Variants in EPHA6 observed in about 807,000 individuals in gnomAD.
EPHA6 encodes the protein ephrin type-A receptor 6.
Under a neutral mutation model 112.0 loss-of-function variants are expected in EPHA6, and 50 were observed. The ratio of observed to expected loss-of-function variants is 0.45; its 90% CI spans 0.36 to 0.56. The LOEUF is 0.56. EPHA6 is among the 20% of genes least tolerant of loss of function. The probability of loss-of-function intolerance (pLI) is 0.00; values close to 1 mark genes in which losing one functional copy is unlikely to be tolerated. For synonymous variants in EPHA6, 529 were observed against 490.7 expected, an observed-to-expected ratio of 1.08 and a Z score of -1.03; for missense variants, 1,280 against 1,417.4, an observed-to-expected ratio of 0.90 and a Z score of 1.56.
chr3:97,206,696 A>G (rs1439079038), intron 3 of EPHA6, among the ~76,000 whole-genome samples: 2 of 152,054 alleles, frequency 1.3e-5, no homozygotes, highest in African/African-American at 4.8e-5. Context: ...GTCTAATATT[A>G]TCTTATAAGT....
chr3:97,039,075 T>C lies in EPHA6; in HGVS notation c.1114+51082T>C, dbSNP rs138243174. ...TGCAGTGAGACATTTAAAGGAGTTG[T>C]ACCTAACAGCCTAAATGGGCTGGAA... On this transcript the variant is annotated intron_variant, in intron 3 of 17. Coordinates refer to ENST00000389672, the MANE Select transcript of EPHA6 (RefSeq NM_001080448.3). 2.2e-3 allele frequency among the ~76,000 whole-genome samples: 341 copies of C among 152,118 alleles called. 1 individual carries two copies. The highest frequency in any genetic ancestry group is 7.7e-3 in the African/African-American group (320 of 41,522).
intron 5 of EPHA6, among the ~76,000 whole-genome samples, chr3:97,301,005 C>T (rs772250691): frequency 6.6e-5 from 10 of 152,086 alleles, no homozygotes; most frequent in African/African-American, 9.7e-5. Flanking sequence ...CTCCAGCCAT[C>T]CTGATCAATG....
chr3:97,488,512 G>C (rs1481630611), intron 10 of EPHA6, among the ~76,000 whole-genome samples: 1 of 152,026 alleles, frequency 6.6e-6, no homozygotes, highest in Non-Finnish European at 1.5e-5. Context: ...AACCCAGCAG[G>C]CCTCTATTTT....
chr3:96,913,842 A>G (rs1482243931), intron 2 of EPHA6, among the ~76,000 whole-genome samples: 1 of 152,132 alleles, frequency 6.6e-6, no homozygotes, highest in Non-Finnish European at 1.5e-5. Flanking sequence ...TTTTCTTCTC[A>G]TTGTTTCCTT....
At chr3:97,141,688 A>G (rs1290262106) in intron 3 of EPHA6, among the ~76,000 whole-genome samples, 1 of 152,020 alleles carries the variant, frequency 6.6e-6, no homozygotes, top group African/African-American at 2.4e-5. Context: ...CAGAGCTAAG[A>G]GGAAGGTTTA....
At chr3:96,901,664 G>T (rs765716806) in intron 2 of EPHA6, among the ~76,000 whole-genome samples, 23 of 151,950 alleles carry the variant, frequency 1.5e-4, no homozygotes, top group Non-Finnish European at 2.9e-4. Flanking sequence ...TGGTCCTTAG[G>T]TTAAAAAAAG....
At chr3:97,641,918 C>T (rs1461623437) in intron 14 of EPHA6, among the ~76,000 whole-genome samples, 1 of 150,994 alleles carries the variant, frequency 6.6e-6, no homozygotes, top group Admixed American at 6.6e-5. Context: ...CCAGGAAGCT[C>T]GAACTGGGTG....
intron 1 of EPHA6, among the ~76,000 whole-genome samples, chr3:96,824,887 G>A (rs1014757064): frequency 1.3e-5 from 2 of 151,082 alleles, no homozygotes; most frequent in East Asian, 2.0e-4. Flanking sequence ...CAGCTCCCCC[G>A]CCCCTGCCCT....
rs78199375 is a variant in EPHA6 at position 97,487,675 on chromosome 3, A to G, written c.2200+3616A>G. Among the ~76,000 whole-genome samples the G allele has an allele frequency of 2.8e-3, 429 of 152,206 alleles. 3 individuals carry two copies. The highest frequency in any genetic ancestry group is 1.0e-2 in the African/African-American group (415 of 41,518). On this transcript the variant is annotated intron_variant, in intron 10 of 17. Transcript: ENST00000389672. Reference sequence around the variant, plus strand: ...TGGTTTTTTATAAGTTTTCTAGGGTACTTTTTTTGTGTGTGTATCACTGTT... The same window carrying G: ...TGGTTTTTTATAAGTTTTCTAGGGTGCTTTTTTTGTGTGTGTATCACTGTT...
intron 3 of EPHA6, among the ~76,000 whole-genome samples, chr3:97,046,739 G>C (rs2045520586): frequency 6.6e-6 from 1 of 151,990 alleles, no homozygotes. Flanking sequence ...AATTATAATT[G>C]AAAGAAAATT....
At chr3:96,880,478 T>A (rs1250723469) in intron 2 of EPHA6, among the ~76,000 whole-genome samples, 1 of 152,108 alleles carries the variant, frequency 6.6e-6, no homozygotes, top group Non-Finnish European at 1.5e-5. Flanking sequence ...CTCAGTACCC[T>A]GTAAATGTAA....
At chr3:97,486,316 C>G (rs1439906225) in intron 10 of EPHA6, among the ~76,000 whole-genome samples, 1 of 152,130 alleles carries the variant, frequency 6.6e-6, no homozygotes, top group African/African-American at 2.4e-5. Context: ...AGAAAAATAA[C>G]AAAAATAAAA....
At chr3:97,004,022 G>C (rs890943164) in intron 3 of EPHA6, among the ~76,000 whole-genome samples, 2 of 151,852 alleles carry the variant, frequency 1.3e-5, no homozygotes, top group African/African-American at 4.8e-5. Context: ...TAGATACCAC[G>C]TTTCTGTTAT....
chr3:97,612,613 AGTG>A, intron 13 of EPHA6: 1 of 210,454 alleles, frequency 4.8e-6, no homozygotes, highest in Non-Finnish European at 9.9e-6. Context: ...GTTTAGAAGT[AGTG>A]TATTTTATGC....
chr3:96,936,015 C>A lies in EPHA6; in HGVS notation c.451-51315C>A, dbSNP rs538820036. The stretch of plus-strand genomic sequence containing the variant: ...TATAGCTTTCCTATGCTTTTCCAGA[C>A]CTATTTTCAACACTGCTAAAAGGGG... On this transcript the variant is annotated intron_variant, in intron 2 of 17. Transcript: ENST00000389672. Among the ~76,000 whole-genome samples, 8 of 152,018 alleles carry A rather than the reference C, an allele frequency of 5.3e-5. No homozygotes were observed. The South Asian group carries it at 1.7e-3, about 32-fold the overall frequency.
intron 3 of EPHA6, among the ~76,000 whole-genome samples, chr3:97,154,145 A>G (rs1480811235): frequency 6.6e-6 from 1 of 151,198 alleles, no homozygotes; most frequent in Admixed American, 6.6e-5. Context: ...AGCCTGGGCA[A>G]CAAGAGCTAA....
chr3:97,671,636 T>C (rs374169342), intron 14 of EPHA6, among the ~76,000 whole-genome samples: 1 of 152,198 alleles, frequency 6.6e-6, no homozygotes, highest in Non-Finnish European at 1.5e-5. Flanking sequence ...TCAAATCTCC[T>C]TGCTATAATC....
intron 6 of EPHA6, among the ~76,000 whole-genome samples, chr3:97,412,673 A>G (rs2087808986): frequency 6.6e-6 from 1 of 152,094 alleles, no homozygotes; most frequent in Non-Finnish European, 1.5e-5. Context: ...AGAAGTACAT[A>G]AAAAGATAAG....
At chr3:97,347,419 T>C (rs2083587744) in intron 5 of EPHA6, among the ~76,000 whole-genome samples, 1 of 152,130 alleles carries the variant, frequency 6.6e-6, no homozygotes, top group Non-Finnish European at 1.5e-5. Context: ...ATATGTCCTG[T>C]ACCTATCACA....
Sources: allele counts gnomAD v4.1 joint callset (sites outside exome capture counted in the v4.1 genomes callset), GRCh38; gene constraint gnomAD v4.1.1; transcripts MANE v1.5; gene names NCBI Gene and HGNC (gene_info 2026-07-23, HGNC 2026-07-21).